The following MYH7 variants were observed in gnomAD, a reference collection of about 807,000 sequenced individuals.
MYH7 encodes myosin heavy chain 7.
In MYH7, 129 loss-of-function variants were observed where a neutral mutation model predicts 225.4. The ratio of observed to expected loss-of-function variants is 0.57; its 90% confidence interval spans 0.50 to 0.66. The LOEUF (loss-of-function observed/expected upper bound fraction) is 0.66. MYH7 is among the 30% of genes least tolerant of loss of function. The pLI is 0.00. For missense variants in MYH7, 1,649 were observed against 2,517.0 expected, an observed-to-expected ratio of 0.66 and a Z score of 7.38; for synonymous variants, 971 against 1,007.6, an observed-to-expected ratio of 0.96 and a Z score of 0.69.
At position 23,426,797 on chromosome 14, in the gene MYH7, G is replaced by A. The variant is rs2138670181; in HGVS notation, c.2024C>T (p.Pro675Leu). 6.2e-7 allele frequency: 1 copy of A among 1,614,160 alleles called. No individual in the cohort carries two copies. Among genetic ancestry groups the A allele is most frequent in the Non-Finnish European group, 8.5e-7 (1 of 1,180,036 alleles). ...THPHFVRCII[P>L]NETKSPGVMD... ...CTCACCTGGAGACTTTGTCTCATTA[G>A]GGATGATACAACGTACAAAGTGGGG... Residue 675 changes from proline to leucine, a missense_variant, in exon 18 of 40, where the codon CCT becomes CTT. Pro to Leu is a moderately conservative substitution (Grantham distance 98). This residue lies in a region of MYH7 where 112 missense variants were observed against 161.9 expected (regional missense o/e 0.69). Transcript: ENST00000355349.
intron 15 of MYH7, 58 bp from the exon 16 acceptor site, chr14:23,427,952 T>G: frequency 6.2e-7 from 1 of 1,603,784 alleles, no homozygotes; most frequent in Non-Finnish European, 8.5e-7. Context: ...ACATGGATTC[T>G]GCTCTATGGT....
At chr14:23,420,684 T>C (rs552812675) in intron 26 of MYH7, among the ~76,000 whole-genome samples, 1 of 152,252 alleles carries the variant, frequency 6.6e-6, no homozygotes, top group East Asian at 1.9e-4. Flanking sequence ...CCCAGAGATC[T>C]GGAGTGGGCT....
At chr14:23,431,558 C>T (rs760663199) in intron 8 of MYH7, 27 bp downstream of exon 8, 1 of 1,614,082 alleles carries the variant, frequency 6.2e-7, no homozygotes, top group African/African-American at 1.3e-5. Context: ...AGTCCAAGTC[C>T]CAAGGCCAAG....
At chr14:23,427,015 G>T in intron 17 of MYH7, 151 bp from the exon 18 acceptor site, 1 of 839,700 alleles carries the variant, frequency 1.2e-6, no homozygotes, top group Non-Finnish European at 2.0e-6. Flanking sequence ...GGGATAAGGA[G>T]AGAGGGTGGG....
rs1892139406 is a variant in MYH7 at position 23,415,221 on chromosome 14, T to G, written c.5333A>C (p.His1778Pro). The G allele has an allele frequency of 6.2e-7, 1 of 1,614,214 alleles. No homozygotes were observed. Among genetic ancestry groups the G allele is most frequent in the Non-Finnish European group, 8.5e-7 (1 of 1,180,044 alleles). The change falls in exon 37 of 40, where the codon CAC (histidine) becomes CCC (proline). Residue 1778 changes from histidine (H) to proline (P), a missense_variant. Physicochemically the swap from His to Pro is moderately conservative, Grantham distance 77 (BLOSUM62 -2). This residue lies in a region of MYH7 where 687 missense variants were observed against 913.8 expected (regional missense o/e 0.75). Transcript: ENST00000355349. This position sits in a 1 kb window ranked among gnomAD's most constrained non-coding sequence, Gnocchi z 6.3. ...CATGTTCTTCTTCATGCGCTCCAGG[T>G]GGGCGCTGGTGTCCTGCTCCTTCTT... The part of the protein sequence containing the change: ...ELKKEQDTSA[H>P]LERMKKNMEQ...
rs1478620063 is a variant in MYH7 at position 23,415,738 on chromosome 14, G to A, written c.5048C>T (p.Ala1683Val). The A allele has an allele frequency of 6.2e-7, 1 of 1,614,186 alleles. No homozygotes were observed. Among genetic ancestry groups the A allele is most frequent in the Non-Finnish European group, 8.5e-7 (1 of 1,180,038 alleles). Residue 1683 changes from alanine (A) to valine (V), a missense_variant, in exon 35 of 40, where the codon GCT (alanine) becomes GTT (valine). Around this residue, in one of 12 missense-constraint regions of MYH7, gnomAD observed 687 missense variants for 913.8 expected, o/e 0.75. Transcript: ENST00000355349. The surrounding 1 kb of genome is among the most constrained non-coding windows in gnomAD (Gnocchi z 6.3). Reference protein sequence around the residue: ...IVERRNNLLQAELEELRAVVE... With the variant: ...IVERRNNLLQVELEELRAVVE... The stretch of plus-strand genomic sequence containing the variant: ...CACGGCACGCAACTCCTCCAGCTCA[G>A]CCTGCAGCAGGTTGTTGCGCCGCTC...
chr14:23,420,287 C>A lies in MYH7; in HGVS notation c.3337-53G>T. 3.8e-6 allele frequency: 6 copies of A among 1,588,530 alleles called. No individual in the cohort carries two copies. In the South Asian group the frequency reaches 6.7e-5, roughly 18 times the overall value. Reference sequence around the variant, plus strand: ...ACCGCCTGGACCCCTCCACTGGAATCCCCCCGGCTCTAAAAGGCTCTCGGC... The same window carrying A: ...ACCGCCTGGACCCCTCCACTGGAATACCCCCGGCTCTAAAAGGCTCTCGGC... On this transcript the variant is annotated intron_variant, in intron 26 of 39. Transcript: ENST00000355349.
intron 26 of MYH7, 79 bp downstream of exon 26, chr14:23,420,879 A>G: frequency 9.3e-7 from 1 of 1,070,132 alleles, no homozygotes; most frequent in South Asian, 1.3e-5. Context: ...TGCTGTGAAC[A>G]GGACACCCTA....
In MYH7 at chr14:23,425,907, C is replaced by T; in HGVS notation, c.2162+57G>A. On this transcript the variant is annotated intron_variant, in intron 19 of 39. Coordinates refer to ENST00000355349, the MANE Select transcript of MYH7 (RefSeq NM_000257.4). The surrounding 1 kb of genome is among the most constrained non-coding windows in gnomAD (Gnocchi z 4.6). Reference sequence around the variant, plus strand: ...CAGGGTCACCTGCAGATCCCATTCCCATCAGGGCAGCCTGGCTCCCCCTGT... The same window carrying T: ...CAGGGTCACCTGCAGATCCCATTCCTATCAGGGCAGCCTGGCTCCCCCTGT... 6.2e-7 allele frequency: 1 copy of T among 1,612,924 alleles called. No individual in the cohort carries two copies.
chr14:23,413,111 C>T (rs1291327225), intron 39 of MYH7, among the ~76,000 whole-genome samples: 4 of 152,046 alleles, frequency 2.6e-5, no homozygotes, highest in Admixed American at 2.6e-4. Context: ...AAGCCAGGCC[C>T]GGGTTCTCTG....
rs397516258 is a variant in MYH7, at chr14:23,431,798, A to G, written c.602T>C (p.Ile201Thr). 6.2e-7 allele frequency: 1 copy of G among 1,614,208 alleles called. No individual in the cohort carries two copies. The highest frequency in any genetic ancestry group is 8.5e-7 in the Non-Finnish European group (1 of 1,180,024). Residue 201 changes from isoleucine to threonine, a missense_variant, in exon 7 of 40, where the codon ATT (isoleucine) becomes ACT (threonine). Ile to Thr is a moderately conservative substitution (Grantham distance 89). Around this residue, in one of 12 missense-constraint regions of MYH7, gnomAD observed 131 missense variants for 231.3 expected, o/e 0.57. Coordinates refer to ENST00000355349, the MANE Select transcript of MYH7 (RefSeq NM_000257.4). ...CTGGTCCTTCTTGCTGCGGTCCCCA[A>G]TGGCTGCAATAACAGCAAAGTACTG... is the stretch of plus-strand genomic sequence containing the variant. ...VIQYFAVIAA[I>T]GDRSKKDQSP...
In MYH7 at chr14:23,428,488, C is replaced by T; in HGVS notation, c.1578+12G>A. 6.2e-7 allele frequency: 1 copy of T among 1,614,116 alleles called. No individual in the cohort carries two copies. Among genetic ancestry groups the T allele is most frequent in the Non-Finnish European group, 8.5e-7 (1 of 1,180,026 alleles). ...TGCAGGGAGAATTCAGGTGGTAAGG[C>T]CAAAGAGGCACCTTCTCGATGAGGT... On this transcript the variant is annotated intron_variant, in intron 15 of 39. Transcript: ENST00000355349.
chr14:23,430,072 A>G (rs1305457978), intron 11 of MYH7, among the ~76,000 whole-genome samples, 159 bp from the exon 12 acceptor site: 2 of 150,422 alleles, frequency 1.3e-5, no homozygotes, highest in Non-Finnish European at 2.9e-5. Context: ...TGTAAGATGC[A>G]GGGAACTCCA....
At position 23,420,469 on chromosome 14, in the gene MYH7, T is replaced by C. The variant is rs189090020; in HGVS notation, c.3337-235A>G. 1.8e-3 allele frequency among the ~76,000 whole-genome samples: 277 copies of C among 152,298 alleles called. 1 individual carries two copies. The highest frequency in any genetic ancestry group is 3.4e-3 in the Admixed American group (52 of 15,304). ...AGTGGTTGAAACTTGCTCTTAAAGA[T>C]GGACAAAGAGACCTGTGTTCTGGGG... On this transcript the variant is annotated intron_variant, in intron 26 of 39. Coordinates refer to ENST00000355349, the MANE Select transcript of MYH7 (RefSeq NM_000257.4).
chr14:23,423,436 AACACACACACACACAC>A (rs61677533), intron 24 of MYH7, 95 bp downstream of exon 24: 228 of 825,032 alleles, frequency 2.8e-4, no homozygotes, highest in East Asian at 1.3e-3. Flanking sequence ...CATAAACACA[AACACACACACACACAC>A]ACACACACAC....
intron 39 of MYH7, 145 bp downstream of exon 39, chr14:23,413,614 C>A: frequency 4.0e-6 from 4 of 998,174 alleles, no homozygotes; most frequent in Non-Finnish European, 5.9e-6. Flanking sequence ...CTTGAAATCA[C>A]AGAGAACTGC....
intron 9 of MYH7, 22 bp from the exon 10 acceptor site, chr14:23,431,021 AAGG>A: frequency 6.4e-7 from 1 of 1,552,854 alleles, no homozygotes; most frequent in Non-Finnish European, 8.9e-7. Context: ...TGGGGAGAAG[AAGG>A]AGAGAAAGAA....
In MYH7 at chr14:23,415,630, T is replaced by C. The variant is rs727504403; in HGVS notation, c.5156A>G (p.Gln1719Arg). ...TSERVQLLHS[Q>R]NTSLINQKKK... ...GGAATGAGCAGGGGAGCTGCTCACCTGGGAATGCAGCAGCTGCACCCGCTC... is the reference window on the plus strand; with the variant it reads ...GGAATGAGCAGGGGAGCTGCTCACCCGGGAATGCAGCAGCTGCACCCGCTC... The change falls in exon 35 of 40, where the codon CAG becomes CGG. Residue 1719 changes from glutamine (Q) to arginine (R), a missense_variant and splice_region_variant. Gln to Arg is a conservative substitution (Grantham distance 43). Transcript: ENST00000355349. The surrounding 1 kb of genome is among the most constrained non-coding windows in gnomAD (Gnocchi z 6.3). 6.2e-7 allele frequency: 1 copy of C among 1,613,774 alleles called. No individual in the cohort carries two copies. Among genetic ancestry groups the C allele is most frequent in the Non-Finnish European group, 8.5e-7 (1 of 1,180,028 alleles).
chr14:23,422,064 C>T (rs756833086), intron 25 of MYH7, 116 bp downstream of exon 25: 87 of 1,484,058 alleles, frequency 5.9e-5, no homozygotes, highest in Admixed American at 1.9e-4. Context: ...CCATGGTTTG[C>T]GCCTCCACTT....
Sources: allele counts gnomAD v4.1 joint callset (sites outside exome capture counted in the v4.1 genomes callset), GRCh38; gene constraint gnomAD v4.1.1; regional missense constraint gnomAD v4.1.1; non-coding constraint Gnocchi (gnomAD v3.1); transcripts MANE v1.5; gene names NCBI Gene and HGNC (gene_info 2026-07-23, HGNC 2026-07-21).